Variants in CORO2B observed in about 807,000 individuals in gnomAD.
CORO2B encodes the protein coronin-2B.
In CORO2B, 26 loss-of-function variants were observed where a neutral mutation model predicts 58.8. The observed-to-expected ratio is 0.44, with a 90% CI of 0.32 to 0.61. The LOEUF (loss-of-function observed/expected upper bound fraction) is 0.61, where lower values mean the gene tolerates loss of function less well. CORO2B is among the 20% of genes least tolerant of loss of function. CORO2B has a pLI of 0.04. For missense variants in CORO2B, 460 were observed against 645.1 expected, an observed-to-expected ratio of 0.71 and a Z score of 3.11; for synonymous variants, 242 against 253.8, an observed-to-expected ratio of 0.95 and a Z score of 0.44.
chr15:68,530,616 TC>T, the CORO2B span, among the ~76,000 whole-genome samples: 3 of 152,174 alleles, frequency 2.0e-5, no homozygotes, highest in Non-Finnish European at 4.4e-5. Flanking sequence ...TGTTAGTTTT[TC>T]TTCATCTCTC....
At chr15:68,709,451 T>C (rs565796481) in intron 3 of CORO2B, among the ~76,000 whole-genome samples, 1 of 134,172 alleles carries the variant, frequency 7.5e-6, no homozygotes, top group African/African-American at 2.6e-5. Context: ...AAAAGATTTT[T>C]TTTTCGTGTT....
chr15:68,572,555 G>C, the CORO2B span, among the ~76,000 whole-genome samples: 5 of 152,142 alleles, frequency 3.3e-5, no homozygotes, highest in Admixed American at 3.3e-4. Context: ...GTAAATCCGT[G>C]GTTCTCAAAC....
chr15:68,554,214 T>C, the CORO2B span, among the ~76,000 whole-genome samples: 2 of 152,068 alleles, frequency 1.3e-5, no homozygotes, highest in East Asian at 1.9e-4. Flanking sequence ...CTATTGGTCA[T>C]ATTTGGGGAG....
At chr15:68,633,441 A>G (rs537540324) in intron 1 of CORO2B, among the ~76,000 whole-genome samples, 1 of 151,914 alleles carries the variant, frequency 6.6e-6, no homozygotes, top group African/African-American at 2.4e-5. Flanking sequence ...TTTCTGCTCT[A>G]GTTTCTAGAC....
At chr15:68,525,908 C>T in the CORO2B span, among the ~76,000 whole-genome samples, 1 of 152,044 alleles carries the variant, frequency 6.6e-6, no homozygotes, top group Non-Finnish European at 1.5e-5. Context: ...ATGTTGTGTC[C>T]CAATCAATCA....
upstream of CORO2B, chr15:68,578,971 G>A (rs1490064485): frequency 1.0e-6 from 1 of 953,392 alleles, no homozygotes; most frequent in African/African-American, 1.8e-5. This position sits in a 1 kb window ranked among gnomAD's most constrained non-coding sequence, Gnocchi z 4.2. Context: ...CCCCAGCCCG[G>A]GCCCTCTCCC....
chr15:68,591,626 G>A (rs564771907), intron 1 of CORO2B, among the ~76,000 whole-genome samples: 7 of 152,168 alleles, frequency 4.6e-5, no homozygotes, highest in Admixed American at 1.3e-4. Context: ...GCAATGAGGC[G>A]GGGAAGGGGT....
chr15:68,707,183 C>T (rs951355135), intron 3 of CORO2B, among the ~76,000 whole-genome samples: 3 of 152,120 alleles, frequency 2.0e-5, no homozygotes, highest in Admixed American at 6.5e-5. Flanking sequence ...CGCCTGTCCT[C>T]GGTATTTCTA....
intron 2 of CORO2B, among the ~76,000 whole-genome samples, chr15:68,679,574 T>A (rs1259020386): frequency 1.3e-5 from 2 of 152,172 alleles, no homozygotes; most frequent in East Asian, 3.9e-4. Flanking sequence ...GCTTCTGTGG[T>A]GCCAGGCCCC....
At chr15:68,610,778 G>A (rs529479911) in intron 1 of CORO2B, among the ~76,000 whole-genome samples, 1 of 152,260 alleles carries the variant, frequency 6.6e-6, no homozygotes, top group African/African-American at 2.4e-5. Flanking sequence ...GAGGCCAATA[G>A]GGCATCAGGC....
At chr15:68,682,004 C>A (rs758351244) in intron 2 of CORO2B, among the ~76,000 whole-genome samples, 2 of 152,132 alleles carry the variant, frequency 1.3e-5, no homozygotes, top group Non-Finnish European at 2.9e-5. Context: ...GGGCCCAGTC[C>A]CAGCCCACCC....
chr15:68,602,465 T>G (rs1900009901), intron 1 of CORO2B, among the ~76,000 whole-genome samples: 1 of 151,368 alleles, frequency 6.6e-6, no homozygotes, highest in East Asian at 1.9e-4. Context: ...TACCTACATG[T>G]TGTAATTCAC....
chr15:68,626,340 T>C (rs536583018), intron 1 of CORO2B, among the ~76,000 whole-genome samples: 3 of 152,076 alleles, frequency 2.0e-5, no homozygotes, highest in African/African-American at 7.3e-5. Flanking sequence ...ATCAAAGAAG[T>C]CTAGGTTTTT....
the CORO2B span, among the ~76,000 whole-genome samples, chr15:68,533,143 C>T: frequency 6.6e-6 from 1 of 152,212 alleles, no homozygotes; most frequent in Admixed American, 6.5e-5. Flanking sequence ...CCAGAATGTG[C>T]CTCTAGACAC....
intron 1 of CORO2B, among the ~76,000 whole-genome samples, chr15:68,586,698 T>G (rs1400938193): frequency 1.3e-5 from 2 of 152,146 alleles, no homozygotes; most frequent in African/African-American, 4.8e-5. Context: ...ACCTCCGGAT[T>G]CTGGCCTCTT....
the CORO2B span, among the ~76,000 whole-genome samples, chr15:68,529,043 A>G: frequency 6.6e-6 from 1 of 152,164 alleles, no homozygotes; most frequent in Admixed American, 6.5e-5. Context: ...TTGCCTCAAC[A>G]ACTACTAGAT....
At chr15:68,722,549 T>C (rs1484111887) in intron 11 of CORO2B, among the ~76,000 whole-genome samples, 2 of 152,178 alleles carry the variant, frequency 1.3e-5, no homozygotes. Context: ...TGAGTGACTT[T>C]TATGGTGTGT....
In CORO2B at chr15:68,725,701, G is replaced by A. The variant is rs533771723; in HGVS notation, c.1312-142G>A. The A allele has an allele frequency of 1.1e-5, 11 of 1,025,658 alleles. No individual in the cohort carries two copies. The African/African-American group carries it at 1.1e-4, about 11-fold the overall frequency. The allele number at this position is 1,025,658 out of a possible 1,614,324, so 63.5% of individuals were successfully genotyped here. A position where few individuals can be genotyped will look rare whatever the true frequency, so the allele number is the denominator to read the frequency against. ...GAGAGGTGCAATAAATGCACCTGGGGAGAATAAATGTATCAAGCAGTGGGA... is the reference window on the plus strand; with the variant it reads ...GAGAGGTGCAATAAATGCACCTGGGAAGAATAAATGTATCAAGCAGTGGGA... On this transcript the variant is annotated intron_variant, in intron 11 of 11. Transcript: ENST00000261861.
intron 1 of CORO2B, among the ~76,000 whole-genome samples, chr15:68,609,804 C>A (rs751799847): frequency 6.6e-6 from 1 of 152,196 alleles, no homozygotes; most frequent in Non-Finnish European, 1.5e-5. Flanking sequence ...GACTGGAGGG[C>A]TGTACAGCAG....
Sources: gnomAD v4.1 joint callset for allele counts (sites outside exome capture counted in the v4.1 genomes callset) on GRCh38, gnomAD v4.1.1 for gene constraint, Gnocchi (gnomAD v3.1) non-coding constraint, MANE v1.5 for transcripts, NCBI Gene and HGNC (gene_info 2026-07-23, HGNC 2026-07-21) for gene names.